The following ARB2A variants were observed in gnomAD, a reference collection of about 807,000 sequenced individuals.
ARB2A encodes the protein cotranscriptional regulator ARB2A.
chr5:94,007,358 T>G, the ARB2A span, among the ~76,000 whole-genome samples: 1 of 152,150 alleles, frequency 6.6e-6, no homozygotes, highest in African/African-American at 2.4e-5. Context: ...AGAGAAATAA[T>G]AAACTTACAC....
chr5:93,963,322 A>C, the ARB2A span, among the ~76,000 whole-genome samples: 1 of 152,002 alleles, frequency 6.6e-6, no homozygotes, highest in African/African-American at 2.4e-5. Context: ...AGGAAGAAAA[A>C]TTTCCAAATA....
At chr5:93,923,966 A>G in the ARB2A span, among the ~76,000 whole-genome samples, 1 of 152,298 alleles carries the variant, frequency 6.6e-6, no homozygotes, top group South Asian at 2.1e-4. Flanking sequence ...GAAGAGAGGG[A>G]CAGAGAAAGA....
chr5:93,937,431 T>A, the ARB2A span, among the ~76,000 whole-genome samples: 2 of 147,542 alleles, frequency 1.4e-5, no homozygotes, highest in African/African-American at 5.0e-5. Flanking sequence ...TGAAACCCCA[T>A]CTCTATTAAA....
the ARB2A span, among the ~76,000 whole-genome samples, chr5:93,876,067 A>G: frequency 1.3e-5 from 2 of 152,238 alleles, no homozygotes; most frequent in African/African-American, 4.8e-5. Context: ...TTATCAGTTG[A>G]GATATTAAAA....
chr5:93,915,384 A>G, the ARB2A span, among the ~76,000 whole-genome samples: 1 of 151,660 alleles, frequency 6.6e-6, no homozygotes, highest in Non-Finnish European at 1.5e-5. Context: ...GCTTTCACTT[A>G]CTTCTGAGAA....
the ARB2A span, among the ~76,000 whole-genome samples, chr5:93,647,039 C>T: frequency 6.6e-6 from 1 of 152,082 alleles, no homozygotes; most frequent in African/African-American, 2.4e-5. Flanking sequence ...AATATCATGC[C>T]CTTCAGTAGT....
chr5:93,902,579 G>A, the ARB2A span, among the ~76,000 whole-genome samples: 1 of 152,070 alleles, frequency 6.6e-6, no homozygotes, highest in Non-Finnish European at 1.5e-5. Flanking sequence ...AGAATAGAAG[G>A]CTAGGAGTTT....
At chr5:93,680,996 C>T in the ARB2A span, among the ~76,000 whole-genome samples, 12 of 152,120 alleles carry the variant, frequency 7.9e-5, no homozygotes, top group Non-Finnish European at 1.6e-4. Flanking sequence ...ACACAATGAA[C>T]AAAGCCTTTT....
chr5:93,825,398 A>G, the ARB2A span, among the ~76,000 whole-genome samples: 1 of 152,186 alleles, frequency 6.6e-6, no homozygotes, highest in East Asian at 1.9e-4. Flanking sequence ...CAAATGAGTT[A>G]GCCATTTGTA....
the ARB2A span, among the ~76,000 whole-genome samples, chr5:93,801,964 T>A: frequency 6.6e-6 from 1 of 152,140 alleles, no homozygotes; most frequent in Non-Finnish European, 1.5e-5. Flanking sequence ...TTTATTGTTA[T>A]TAGGAAATTA....
chr5:94,104,967 A>G, the ARB2A span, among the ~76,000 whole-genome samples: 3 of 151,940 alleles, frequency 2.0e-5, no homozygotes, highest in Non-Finnish European at 1.5e-5. Context: ...AAAATTTTCA[A>G]CAAACTAGAC....
the ARB2A span, among the ~76,000 whole-genome samples, chr5:94,048,662 G>A: frequency 6.6e-6 from 1 of 152,158 alleles, no homozygotes; most frequent in African/African-American, 2.4e-5. Context: ...GGCTGAGCAT[G>A]CAACAGGATT....
chr5:93,658,738 C>T, the ARB2A span, among the ~76,000 whole-genome samples: 1 of 152,074 alleles, frequency 6.6e-6, no homozygotes, highest in African/African-American at 2.4e-5. Flanking sequence ...TTGTCAGCCA[C>T]TTATCTCCTT....
chr5:93,627,154 T>C, the ARB2A span, among the ~76,000 whole-genome samples: 10 of 152,194 alleles, frequency 6.6e-5, no homozygotes, highest in Admixed American at 1.3e-4. Flanking sequence ...AGCCACATCT[T>C]CAGGCTCCAC....
At chr5:93,756,288 C>A in the ARB2A span, among the ~76,000 whole-genome samples, 1 of 152,196 alleles carries the variant, frequency 6.6e-6, no homozygotes, top group Non-Finnish European at 1.5e-5. Flanking sequence ...CCTTCCCTAA[C>A]CACCTTGGTA....
At chr5:94,045,273 T>TAA in the ARB2A span, among the ~76,000 whole-genome samples, 1 of 152,032 alleles carries the variant, frequency 6.6e-6, no homozygotes, top group African/African-American at 2.4e-5. Flanking sequence ...CTGCTGTGTT[T>TAA]ATGGAGTAGC....
At chr5:93,881,040 T>C in the ARB2A span, among the ~76,000 whole-genome samples, 3 of 151,730 alleles carry the variant, frequency 2.0e-5, no homozygotes, top group African/African-American at 7.2e-5. Flanking sequence ...CATTATTAAT[T>C]CAGCAGGTGA....
chr5:93,776,229 C>G, the ARB2A span: 2 of 1,610,190 alleles, frequency 1.2e-6, no homozygotes, highest in Non-Finnish European at 1.7e-6. Context: ...AGCTAGAGAC[C>G]CAATTACAAC....
At chr5:94,019,413 T>A in the ARB2A span, among the ~76,000 whole-genome samples, 1 of 151,978 alleles carries the variant, frequency 6.6e-6, no homozygotes, top group African/African-American at 2.4e-5. Flanking sequence ...AGAGCTAATA[T>A]CCAGAATCTA....
Sources: gnomAD v4.1 joint callset for allele counts (sites outside exome capture counted in the v4.1 genomes callset) on GRCh38, gnomAD v4.1.1 for gene constraint, MANE v1.5 for transcripts, NCBI Gene and HGNC (gene_info 2026-07-23, HGNC 2026-07-21) for gene names.